ZNF226: variants seen among roughly 807,000 people sequenced by gnomAD.
ZNF226 encodes zinc finger protein 226, also known as Kruppel-associated box protein.
ZNF226 carries 6 observed loss-of-function variants against 11.4 expected under a neutral mutation model. The observed-to-expected ratio is 0.53, with a 90% CI of 0.29 to 1.04. The LOEUF is 1.04. Ranked by LOEUF, ZNF226 falls within the 50% of genes least tolerant of loss-of-function variation. The pLI is 0.08. For synonymous variants in ZNF226, 350 were observed against 322.8 expected (o/e 1.08, Z -0.90); for missense variants, 1,058 against 956.5 (o/e 1.11, Z -1.40).
chr19:44,185,558 G>C, the ZNF226 span, among the ~76,000 whole-genome samples: 2 of 152,032 alleles, frequency 1.3e-5, no homozygotes, highest in African/African-American at 4.8e-5. Context: ...CTCTGGACAT[G>C]TGTGTTTAAG....
intron 5 of ZNF226, chr19:44,174,836 A>G: frequency 4.3e-6 from 3 of 694,056 alleles, no homozygotes; most frequent in Non-Finnish European, 7.0e-6. Context: ...GATCCAGTGC[A>G]TAGGTCTTCA....
At chr19:44,178,964 A>G (rs1006123770), downstream of ZNF226, among the ~76,000 whole-genome samples, 27 of 152,014 alleles carry the variant, frequency 1.8e-4, no homozygotes, top group Non-Finnish European at 2.9e-5. Flanking sequence ...TGGATCACCT[A>G]AGGTCAGGAG....
the ZNF226 span, among the ~76,000 whole-genome samples, chr19:44,186,558 A>G: frequency 6.6e-6 from 1 of 152,032 alleles, no homozygotes; most frequent in Non-Finnish European, 1.5e-5. Flanking sequence ...TGTATCTTGC[A>G]ACTTTGCTGA....
downstream of ZNF226, among the ~76,000 whole-genome samples, chr19:44,180,151 A>G (rs532540370): frequency 3.2e-4 from 48 of 151,714 alleles, no homozygotes; most frequent in African/African-American, 1.1e-3. Context: ...TATAGAGTGG[A>G]AATATGTAAT....
chr19:44,176,860 G>A lies in ZNF226; in HGVS notation c.1598G>A (p.Cys533Tyr), dbSNP rs1261905828. The change falls in exon 6 of 6, where the codon TGT (cysteine) becomes TAT (tyrosine). Residue 533 changes from cysteine (C) to tyrosine (Y), a missense_variant. Transcript: ENST00000337433. Reference protein sequence around the residue: ...VVHTGEKPYKCEICGKGFSQS... With the variant: ...VVHTGEKPYKYEICGKGFSQS... ...CACACAGGAGAGAAACCCTATAAAT[G>A]TGAGATATGTGGGAAGGGCTTCAGT... 2 of 1,613,966 alleles carry A rather than the reference G, an allele frequency of 1.2e-6. No individual in the cohort carries two copies. Among genetic ancestry groups the A allele is most frequent in the Non-Finnish European group, 1.7e-6 (2 of 1,180,018 alleles).
At chr19:44,178,252 G>C (rs1199317931), downstream of ZNF226, 1 of 153,024 alleles carries the variant, frequency 6.5e-6, no homozygotes, top group African/African-American at 2.4e-5. Context: ...CAGATGTCTA[G>C]TTTTCTACTG....
intron 2 of ZNF226, 34 bp from the exon 3 acceptor site, chr19:44,170,000 AC>A: frequency 6.7e-7 from 1 of 1,481,746 alleles, no homozygotes; most frequent in African/African-American, 1.4e-5. Flanking sequence ...CAACATACTT[AC>A]CCAGTTTTGA....
intron 3 of ZNF226, among the ~76,000 whole-genome samples, chr19:44,170,464 T>C (rs1365539095): frequency 6.6e-6 from 1 of 151,646 alleles, no homozygotes; most frequent in Non-Finnish European, 1.5e-5. Flanking sequence ...AGGCCGGGCA[T>C]GGTGGCTCAC....
chr19:44,172,291 G>A (rs1970190171), intron 4 of ZNF226, 77 bp downstream of exon 4: 1 of 1,526,848 alleles, frequency 6.5e-7, no homozygotes, highest in Non-Finnish European at 8.8e-7. Flanking sequence ...ATTGTTCCCT[G>A]AGTGTGGGAA....
rs765679534 is a variant in ZNF226, at chr19:44,176,514, C to T, written c.1252C>T (p.Pro418Ser). The change falls in exon 6 of 6, where the codon CCA (proline) becomes TCA (serine). Residue 418 changes from proline (P) to serine (S), a missense_variant. By Grantham distance (74) the Pro-to-Ser change is moderately conservative (BLOSUM62 -1). Coordinates refer to ENST00000337433, the MANE Select transcript of ZNF226 (RefSeq NM_001032373.2). ...TCAAAGAGTTCATACAGGAGAGAAA[C>T]CATACAAATGTGAGGAGTGTGGTAA... ...SHQRVHTGEK[P>S]YKCEECGKGF... 12 of 1,614,066 alleles carry T rather than the reference C, an allele frequency of 7.4e-6. No individual in the cohort carries two copies. Among genetic ancestry groups the T allele is most frequent in the Non-Finnish European group, 1.0e-5 (12 of 1,180,012 alleles).
At chr19:44,184,750 A>G in the ZNF226 span, among the ~76,000 whole-genome samples, 1 of 152,166 alleles carries the variant, frequency 6.6e-6, no homozygotes, top group Non-Finnish European at 1.5e-5. Context: ...CACTTTAAAC[A>G]TTTATTATGG....
chr19:44,176,684 A>G lies in ZNF226; in HGVS notation c.1422A>G (p.Ser474=). The change falls in exon 6 of 6, where the codon TCA becomes TCG. Residue 474 remains serine (S), a synonymous_variant. Transcript: ENST00000337433. ...AHQGVHTGEK[S]YICTVCGKGF... is the part of the protein sequence containing the mutation. Reference sequence around the variant, plus strand: ...AGGGAGTTCACACTGGAGAGAAGTCATACATATGTACTGTATGTGGGAAAG... The same window carrying G: ...AGGGAGTTCACACTGGAGAGAAGTCGTACATATGTACTGTATGTGGGAAAG... 6.2e-7 allele frequency: 1 copy of G among 1,614,016 alleles called. No homozygotes were observed. The highest frequency in any genetic ancestry group is 8.5e-7 in the Non-Finnish European group (1 of 1,179,940).
the ZNF226 span, among the ~76,000 whole-genome samples, chr19:44,194,351 A>G: frequency 6.6e-6 from 1 of 152,042 alleles, no homozygotes; most frequent in African/African-American, 2.4e-5. Flanking sequence ...ATCACAGCTC[A>G]CTACAGCGTT....
At chr19:44,192,944 T>C in the ZNF226 span, among the ~76,000 whole-genome samples, 1 of 152,174 alleles carries the variant, frequency 6.6e-6, no homozygotes, top group East Asian at 1.9e-4. Context: ...CCCTTTTAAC[T>C]ATAGGCAACT....
rs76046113 is a variant in ZNF226 at position 44,171,646 on chromosome 19, T to G, written c.16-442T>G. 1.6e-3 allele frequency among the ~76,000 whole-genome samples: 251 copies of G among 152,330 alleles called. 3 individuals are homozygous for G. The East Asian group carries it at 0.037, about 23-fold the overall frequency. ...AACTAAAGATCCGGGATCAGTGTAT[T>G]ATATTCAAGTGAAAGACCAAGACAG... is the stretch of plus-strand genomic sequence containing the variant. On this transcript the variant is annotated intron_variant, in intron 3 of 5. Transcript: ENST00000337433.
chr19:44,182,379 A>T (rs1208756538), downstream of ZNF226, among the ~76,000 whole-genome samples: 1 of 152,112 alleles, frequency 6.6e-6, no homozygotes, highest in East Asian at 1.9e-4. Context: ...ACACAAACAC[A>T]CACACCTCAG....
chr19:44,165,681 C>T (rs1286314143), intron 1 of ZNF226, 76 bp from the exon 2 acceptor site: 1 of 152,144 alleles, frequency 6.6e-6, no homozygotes, highest in African/African-American at 2.4e-5. Context: ...CTAACTGGTC[C>T]TGGGAGATGC....
chr19:44,191,197 C>A, the ZNF226 span, among the ~76,000 whole-genome samples: 1 of 152,100 alleles, frequency 6.6e-6, no homozygotes, highest in Admixed American at 6.5e-5. Flanking sequence ...TTATTAGAGT[C>A]TTTTCCATGA....
At chr19:44,173,322 TCCTC>T (rs71171213) in intron 5 of ZNF226, 136,510 of 321,522 alleles carry the variant, frequency 0.42, 31,903 homozygotes, top group South Asian at 0.55. Context: ...AGCCACATTG[TCCTC>T]CCTCTTGCTT....
Sources: allele counts gnomAD v4.1 joint callset (sites outside exome capture counted in the v4.1 genomes callset), GRCh38; gene constraint gnomAD v4.1.1; transcripts MANE v1.5; gene names NCBI Gene and HGNC (gene_info 2026-07-23, HGNC 2026-07-21).